ZNF69: variants seen among roughly 807,000 people sequenced by gnomAD.
The protein encoded by ZNF69 is zinc finger protein 69.
A neutral mutation model predicts 50.9 loss-of-function variants in ZNF69; 47 were observed. The observed-to-expected ratio is 0.92, with a 90% CI of 0.73 to 1.18. The LOEUF is 1.18. Ranked by LOEUF, ZNF69 falls within the 50% of genes most tolerant of loss-of-function variation. ZNF69 has a pLI of 0.00. For missense variants in ZNF69, 717 were observed against 675.1 expected (o/e 1.06, Z -0.69); for synonymous variants, 216 against 223.1 (o/e 0.97, Z 0.29).
chr19:11,924,246 C>A, the ZNF69 span, among the ~76,000 whole-genome samples: 2 of 151,798 alleles, frequency 1.3e-5, no homozygotes, highest in Non-Finnish European at 2.9e-5. Context: ...TCCTGGCTAA[C>A]ACGGTGAAAC....
chr19:11,978,706 G>A, the ZNF69 span: 9 of 1,614,166 alleles, frequency 5.6e-6, no homozygotes, highest in South Asian at 8.8e-5. Context: ...TGTCAGCAAT[G>A]TGGGAAAGCA....
chr19:11,915,558 G>A (rs959543021), downstream of ZNF69, among the ~76,000 whole-genome samples: 17 of 152,066 alleles, frequency 1.1e-4, no homozygotes, highest in East Asian at 7.7e-4. Flanking sequence ...ACTAATTTTG[G>A]AAGTCAGTGA....
chr19:11,960,616 T>A, the ZNF69 span, among the ~76,000 whole-genome samples: 11 of 148,696 alleles, frequency 7.4e-5, no homozygotes, highest in African/African-American at 2.8e-4. Flanking sequence ...TTTTTTTTTT[T>A]AAACCAAGAT....
the ZNF69 span, among the ~76,000 whole-genome samples, chr19:11,975,729 T>C: frequency 1.3e-5 from 2 of 152,212 alleles, no homozygotes; most frequent in South Asian, 4.1e-4. Context: ...ATTGTATGTG[T>C]ATGCTTACTA....
chr19:11,959,967 A>G, the ZNF69 span, among the ~76,000 whole-genome samples: 1 of 149,366 alleles, frequency 6.7e-6, no homozygotes, highest in East Asian at 2.0e-4. Flanking sequence ...TTCCTATATG[A>G]TCTTTCATCT....
the ZNF69 span, chr19:11,979,961 T>TA: frequency 0.018 from 18,977 of 1,083,964 alleles, 343 homozygotes; most frequent in South Asian, 0.024. Context: ...TGAAAAATCT[T>TA]ACACTGGAGA....
the ZNF69 span, chr19:11,961,631 C>CTTTTTTTTTTTTTTT: frequency 6.6e-6 from 1 of 151,652 alleles, no homozygotes; most frequent in African/African-American, 2.4e-5. Context: ...TTTTCTTTTT[C>CTTTTTTTTTTTTTTT]TGAGATGGAG....
chr19:11,917,919 C>G (rs559046289), downstream of ZNF69, among the ~76,000 whole-genome samples: 2 of 151,598 alleles, frequency 1.3e-5, no homozygotes, highest in South Asian at 4.2e-4. Context: ...TCCTGAGTAG[C>G]TGGGATTATA....
chr19:11,915,063 G>A (rs747109556), downstream of ZNF69, among the ~76,000 whole-genome samples: 1 of 152,136 alleles, frequency 6.6e-6, no homozygotes. Flanking sequence ...AACTAGCTGG[G>A]CATCGTGGTG....
chr19:11,974,507 A>T, the ZNF69 span, among the ~76,000 whole-genome samples: 1 of 147,956 alleles, frequency 6.8e-6, no homozygotes, highest in African/African-American at 2.5e-5. Flanking sequence ...GTTTTAATTT[A>T]CTCTTTAATA....
At chr19:11,969,354 C>T in the ZNF69 span, among the ~76,000 whole-genome samples, 296 of 152,342 alleles carry the variant, frequency 1.9e-3, 2 homozygotes, top group African/African-American at 6.6e-3. Flanking sequence ...GTCCATCCAC[C>T]TTGGCCTCCC....
At chr19:11,945,543 G>A in the ZNF69 span, among the ~76,000 whole-genome samples, 2 of 152,142 alleles carry the variant, frequency 1.3e-5, no homozygotes, top group Admixed American at 6.5e-5. Context: ...CTAGGGAACC[G>A]GGTACTGTTT....
At chr19:11,898,744 A>G (rs1486023316) in intron 1 of ZNF69, among the ~76,000 whole-genome samples, 2 of 152,166 alleles carry the variant, frequency 1.3e-5, no homozygotes, top group African/African-American at 4.8e-5. Context: ...TCATACCTGT[A>G]ATCCTACCAT....
chr19:11,922,881 C>G, the ZNF69 span, among the ~76,000 whole-genome samples: 1 of 150,856 alleles, frequency 6.6e-6, no homozygotes, highest in Non-Finnish European at 1.5e-5. Context: ...AACCTGATCA[C>G]AGCTCACAGC....
At chr19:11,957,809 C>T in the ZNF69 span, among the ~76,000 whole-genome samples, 15 of 151,990 alleles carry the variant, frequency 9.9e-5, no homozygotes, top group Non-Finnish European at 1.9e-4. Flanking sequence ...CATGCTACTG[C>T]ACTCCAGCCT....
chr19:11,980,105 C>T, the ZNF69 span: 2 of 933,160 alleles, frequency 2.1e-6, no homozygotes, highest in Non-Finnish European at 3.3e-6. Context: ...ATCTACCTCA[C>T]ACCTTCGAAA....
At chr19:11,914,307 C>T (rs957261400) in exon 5 of ZNF69, 2 of 137,820 alleles carry the variant, frequency 1.5e-5, no homozygotes, top group Admixed American at 7.1e-5. Context: ...AAGAGCGAAA[C>T]TCCGTTTCAA....
the ZNF69 span, chr19:11,965,009 T>G: frequency 5.3e-6 from 3 of 571,104 alleles, no homozygotes; most frequent in South Asian, 1.9e-5. Flanking sequence ...CCCTGCCCAT[T>G]GTTTATCCAG....
At chr19:11,923,412 A>G in the ZNF69 span, among the ~76,000 whole-genome samples, 1 of 152,114 alleles carries the variant, frequency 6.6e-6, no homozygotes, top group Non-Finnish European at 1.5e-5. Flanking sequence ...ACCCCGTCCC[A>G]TGGAAGCCAC....
Sources: gnomAD v4.1 joint callset for allele counts (sites outside exome capture counted in the v4.1 genomes callset) on GRCh38, gnomAD v4.1.1 for gene constraint, MANE v1.5 for transcripts, NCBI Gene and HGNC (gene_info 2026-07-23, HGNC 2026-07-21) for gene names.